The following PPP2CB variants were observed in gnomAD, a reference collection of about 807,000 sequenced individuals.
PPP2CB encodes serine/threonine-protein phosphatase 2A catalytic subunit beta isoform.
PPP2CB carries 18 observed loss-of-function variants against 39.1 expected under a neutral mutation model. The observed-to-expected ratio is 0.46, with a 90% CI of 0.32 to 0.68. The LOEUF (loss-of-function observed/expected upper bound fraction) is 0.68. Ranked by LOEUF, PPP2CB falls within the 30% of genes least tolerant of loss-of-function variation. The probability of loss-of-function intolerance (pLI) is 0.04; values close to 1 mark genes in which losing one functional copy is unlikely to be tolerated. For synonymous variants in PPP2CB, 129 were observed against 133.8 expected (o/e 0.96, Z 0.25); for missense variants, 226 against 396.9 (o/e 0.57, Z 3.66).
chr8:30,787,019 T>C (rs2128759868), intron 6 of PPP2CB, among the ~76,000 whole-genome samples: 1 of 152,302 alleles, frequency 6.6e-6, no homozygotes, highest in East Asian at 1.9e-4. Flanking sequence ...CAATTATTTT[T>C]GTGCCTCTAT....
At chr8:30,811,252 CA>C (rs1806821000) in intron 1 of PPP2CB, among the ~76,000 whole-genome samples, 1 of 152,102 alleles carries the variant, frequency 6.6e-6, no homozygotes, top group Non-Finnish European at 1.5e-5. Flanking sequence ...ATATTAAAAA[CA>C]AAAATAACTT....
At chr8:30,798,536 A>G (rs112881612) in intron 2 of PPP2CB, among the ~76,000 whole-genome samples, 22 of 152,314 alleles carry the variant, frequency 1.4e-4, no homozygotes, top group African/African-American at 4.3e-4. Flanking sequence ...CTGGAGCAAG[A>G]GACTATACCA....
intron 3 of PPP2CB, among the ~76,000 whole-genome samples, chr8:30,796,355 A>C (rs1424415184): frequency 1.3e-5 from 2 of 152,048 alleles, no homozygotes; most frequent in African/African-American, 2.4e-5. Context: ...TTTAAGAATT[A>C]TGGAGTTTTA....
At chr8:30,799,479 A>T in intron 2 of PPP2CB, 67 bp downstream of exon 2, 1 of 1,310,462 alleles carries the variant, frequency 7.6e-7, no homozygotes, top group Non-Finnish European at 1.1e-6. Context: ...ATGATATGCA[A>T]TACTGTCATT....
chr8:30,812,784 A>G lies in PPP2CB; in HGVS notation c.-363T>C, dbSNP rs1214440717. Reference sequence around the variant, plus strand: ...GCCGCTTCAGGCCCGCCTCACGCCTACCGGCCTCTCCCGACTTGTCTTTCC... The same window carrying G: ...GCCGCTTCAGGCCCGCCTCACGCCTGCCGGCCTCTCCCGACTTGTCTTTCC... On this transcript the variant is annotated 5_prime_UTR_variant, in exon 1 of 7. Transcript: ENST00000221138. 6.4e-6 allele frequency: 3 copies of G among 465,230 alleles called. No homozygotes were observed. In the East Asian group the frequency reaches 2.0e-4, roughly 31 times the overall value. 28.8% of individuals were successfully genotyped at this position (465,230 alleles called of 1,614,324 possible).
intron 3 of PPP2CB, 86 bp downstream of exon 3, chr8:30,797,495 T>A (rs1472523192): frequency 3.1e-6 from 4 of 1,302,240 alleles, no homozygotes; most frequent in Non-Finnish European, 3.2e-6. Flanking sequence ...GAAACACAGG[T>A]CATATGAATC....
Position 30,797,649 on chromosome 8 carries a change from C to A in PPP2CB, c.418G>T (p.Ala140Ser), listed in dbSNP as rs566851264. The A allele has an allele frequency of 1.9e-6, 3 of 1,613,780 alleles. No homozygotes were observed. The African/African-American group carries it at 4.0e-5, about 22-fold the overall frequency. Reference sequence around the variant, plus strand: ...TCTGTAAAATATTTCCAAACGTTGGCATTCCCATACTTTCGCAGACATTCA... The same window carrying A: ...TCTGTAAAATATTTCCAAACGTTGGAATTCCCATACTTTCGCAGACATTCA... ...YDECLRKYGNANVWKYFTDLF... is the reference protein window; with the variant it reads ...YDECLRKYGNSNVWKYFTDLF... Residue 140 changes from alanine to serine, a missense_variant, in exon 3 of 7, where the codon GCC becomes TCC. Physicochemically the swap from Ala to Ser is moderately conservative, Grantham distance 99. This residue lies in a region of PPP2CB where 110 missense variants were observed against 244.1 expected (regional missense o/e 0.45). Coordinates refer to ENST00000221138, the MANE Select transcript of PPP2CB (RefSeq NM_001009552.2).
chr8:30,797,746 A>G lies in PPP2CB; in HGVS notation c.321T>C (p.Tyr107=), dbSNP rs1316253099. 2 of 1,612,976 alleles carry G rather than the reference A, an allele frequency of 1.2e-6. No homozygotes were observed. Among genetic ancestry groups the G allele is most frequent in the Non-Finnish European group, 1.7e-6 (2 of 1,179,686 alleles). The change falls in exon 3 of 7, where the codon TAT becomes TAC. Residue 107 remains tyrosine, a synonymous_variant. Transcript: ENST00000221138. The stretch of plus-strand genomic sequence containing the variant: ...CTCTCAATATTGTAATGCGTTCTGG[A>G]TAACGCACCTGGAAGAAAAGGAGTA... The part of the protein sequence containing the change: ...VTLLVALKVR[Y]PERITILRGN...
intron 1 of PPP2CB, among the ~76,000 whole-genome samples, chr8:30,806,486 T>C (rs1806728434): frequency 6.6e-6 from 1 of 152,234 alleles, no homozygotes; most frequent in African/African-American, 2.4e-5. Flanking sequence ...GGTTTACATT[T>C]CATTACATTT....
At chr8:30,803,376 C>G (rs2128762149) in intron 1 of PPP2CB, among the ~76,000 whole-genome samples, 1 of 151,946 alleles carries the variant, frequency 6.6e-6, no homozygotes, top group Middle Eastern at 3.4e-3. Flanking sequence ...GACCCTGTCT[C>G]TACAAAAAAA....
chr8:30,799,544 AC>A lies in PPP2CB; in HGVS notation c.312+1del. ...AAAAAAATTGAATTTCAATAATCAT[AC>A]CTTTAATGCTACAAGAAGAGTCACA... On this transcript the variant is annotated splice_donor_variant, in intron 2 of 6. Coordinates refer to ENST00000221138, the MANE Select transcript of PPP2CB (RefSeq NM_001009552.2). LOFTEE classifies it high-confidence loss of function. The A allele has an allele frequency of 6.2e-7, 1 of 1,603,182 alleles. No individual in the cohort carries two copies. Among genetic ancestry groups the A allele is most frequent in the Non-Finnish European group, 8.5e-7 (1 of 1,173,078 alleles).
chr8:30,796,804 G>A (rs2128761262), intron 3 of PPP2CB, among the ~76,000 whole-genome samples: 1 of 152,292 alleles, frequency 6.6e-6, no homozygotes, highest in Admixed American at 6.5e-5. Context: ...TGACATGTCT[G>A]CACTACTTGT....
In PPP2CB at chr8:30,791,263, T is replaced by C; in HGVS notation, c.791A>G (p.Asn264Ser). 4 of 1,612,942 alleles carry C rather than the reference T, an allele frequency of 2.5e-6. No individual in the cohort carries two copies. Among genetic ancestry groups the C allele is most frequent in the Non-Finnish European group, 2.5e-6 (3 of 1,179,746 alleles). ...CTGGTTCCCACAACGATAACAGTAA[T>C]TGGGTGCACTGAAAATGGTAACCAC... ...RNVVTIFSAP[N>S]YCYRCGNQAA... The change falls in exon 6 of 7, where the codon AAT (asparagine) becomes AGT (serine). Residue 264 changes from asparagine (N) to serine (S), a missense_variant. By Grantham distance (46) the Asn-to-Ser change is conservative (BLOSUM62 1). Transcript: ENST00000221138.
chr8:30,786,336 A>G, intron 6 of PPP2CB, 29 bp from the exon 7 acceptor site: 5 of 1,527,216 alleles, frequency 3.3e-6, no homozygotes, highest in Non-Finnish European at 4.4e-6. Context: ...GAAGCAAATA[A>G]AGGATCTGAC....
At chr8:30,811,040 A>G (rs1207181184) in intron 1 of PPP2CB, among the ~76,000 whole-genome samples, 1 of 152,206 alleles carries the variant, frequency 6.6e-6, no homozygotes, top group East Asian at 1.9e-4. Context: ...TAACCTAAAA[A>G]TACATGAAAA....
chr8:30,797,357 A>C (rs1425817711), intron 3 of PPP2CB, among the ~76,000 whole-genome samples: 1 of 152,240 alleles, frequency 6.6e-6, no homozygotes, highest in Non-Finnish European at 1.5e-5. Context: ...CTTTGGTTAA[A>C]AGATTTACAT....
chr8:30,787,506 A>G (rs1409523565), intron 6 of PPP2CB, among the ~76,000 whole-genome samples: 1 of 152,104 alleles, frequency 6.6e-6, no homozygotes, highest in Non-Finnish European at 1.5e-5. Flanking sequence ...CACCAGGTTA[A>G]TTTTTGTATT....
Position 30,797,604 on chromosome 8 carries a change from G to A in PPP2CB, c.463C>T (p.Leu155Phe). The change falls in exon 3 of 7, where the codon CTT becomes TTT. Residue 155 changes from leucine (L) to phenylalanine (F), a missense_variant. This residue lies in a region of PPP2CB where 110 missense variants were observed against 244.1 expected (regional missense o/e 0.45). Transcript: ENST00000221138. ...YFTDLFDYLP[L>F]TALVDGQIFC... The stretch of plus-strand genomic sequence containing the variant: ...ACCTGTCCATCTACTAAAGCTGTAA[G>A]TGGAAGATAATCAAAGAGATCTGTA... 6.2e-7 allele frequency: 1 copy of A among 1,613,732 alleles called. No homozygotes were observed. Among genetic ancestry groups the A allele is most frequent in the Non-Finnish European group, 8.5e-7 (1 of 1,179,676 alleles).
intron 6 of PPP2CB, among the ~76,000 whole-genome samples, chr8:30,788,167 C>T (rs1394868177): frequency 3.3e-5 from 5 of 151,136 alleles, no homozygotes; most frequent in South Asian, 4.2e-4. Context: ...CTCTAAACCT[C>T]GTTTCATAAG....
Sources: allele counts gnomAD v4.1 joint callset (sites outside exome capture counted in the v4.1 genomes callset), GRCh38; gene constraint gnomAD v4.1.1; regional missense constraint gnomAD v4.1.1; transcripts MANE v1.5; gene names NCBI Gene and HGNC (gene_info 2026-07-23, HGNC 2026-07-21).